Variants in CALCRL observed in about 807,000 individuals in gnomAD.
CALCRL encodes the protein calcitonin gene-related peptide type 1 receptor.
A neutral mutation model predicts 60.4 loss-of-function variants in CALCRL; 27 were observed. The observed-to-expected ratio is 0.45, with a 90% CI of 0.33 to 0.62. The LOEUF (loss-of-function observed/expected upper bound fraction) is 0.62. Ranked by LOEUF, CALCRL falls within the 20% of genes least tolerant of loss-of-function variation. The probability of loss-of-function intolerance (pLI) is 0.03; values close to 1 mark genes in which losing one functional copy is unlikely to be tolerated. For missense variants in CALCRL, 424 were observed against 540.7 expected (o/e 0.78, Z 2.14); for synonymous variants, 190 against 182.6 (o/e 1.04, Z -0.33).
intron 8 of CALCRL, among the ~76,000 whole-genome samples, chr2:187,378,105 G>T (rs1428628413): frequency 1.3e-5 from 2 of 150,844 alleles, no homozygotes; most frequent in African/African-American, 4.9e-5. Context: ...GGAGGAGGAG[G>T]AGGAAAAAGA....
intron 8 of CALCRL, among the ~76,000 whole-genome samples, chr2:187,375,733 C>A (rs1032944422): frequency 6.6e-6 from 1 of 152,082 alleles, no homozygotes; most frequent in Non-Finnish European, 1.5e-5. Context: ...CAGGTTACAT[C>A]TTTAAAGTTA....
At chr2:187,406,331 A>G (rs922350197) in intron 1 of CALCRL, among the ~76,000 whole-genome samples, 1 of 152,064 alleles carries the variant, frequency 6.6e-6, no homozygotes, top group African/African-American at 2.4e-5. Flanking sequence ...TTTTATAAAA[A>G]TTATTTGTAA....
At chr2:187,398,403 T>G (rs1378457821) in intron 1 of CALCRL, among the ~76,000 whole-genome samples, 1 of 151,680 alleles carries the variant, frequency 6.6e-6, no homozygotes, top group African/African-American at 2.4e-5. Context: ...TATGATATTC[T>G]TGTTACATTG....
At chr2:187,379,116 G>A (rs1306002874) in intron 7 of CALCRL, 85 bp from the exon 8 acceptor site, 4 of 694,436 alleles carry the variant, frequency 5.8e-6, no homozygotes, top group Non-Finnish European at 7.7e-6. Context: ...TTCAAATTCA[G>A]TTGAATAAAC....
At chr2:187,371,240 T>TA (rs1174750638) in intron 8 of CALCRL, among the ~76,000 whole-genome samples, 2,902 of 136,902 alleles carry the variant, frequency 0.021, 82 homozygotes, top group African/African-American at 0.068. Flanking sequence ...AGACTCCGTC[T>TA]AAAAAAAAAA....
intron 1 of CALCRL, chr2:187,442,151 TACAC>T (rs1298031952): frequency 2.1e-5 from 3 of 145,338 alleles, no homozygotes; most frequent in African/African-American, 5.0e-5. Flanking sequence ...CACACATACA[TACAC>T]ACACATATAT....
chr2:187,427,112 G>A (rs1236550325), intron 1 of CALCRL, among the ~76,000 whole-genome samples: 1 of 152,098 alleles, frequency 6.6e-6, no homozygotes, highest in Non-Finnish European at 1.5e-5. Context: ...TTTGTGTGGG[G>A]AGGGAGACGT....
chr2:187,403,875 T>A (rs1396213999), intron 1 of CALCRL, among the ~76,000 whole-genome samples: 2 of 151,906 alleles, frequency 1.3e-5, no homozygotes, highest in African/African-American at 4.8e-5. Flanking sequence ...AAAATAGATC[T>A]TCCAGTGTAA....
intron 1 of CALCRL, among the ~76,000 whole-genome samples, chr2:187,447,355 A>G (rs984197727): frequency 2.0e-5 from 3 of 151,310 alleles, no homozygotes; most frequent in Non-Finnish European, 4.4e-5. Flanking sequence ...AAAAATCTAC[A>G]TTTCCTAAAC....
chr2:187,430,636 G>A (rs946626835), intron 1 of CALCRL, among the ~76,000 whole-genome samples: 9 of 151,938 alleles, frequency 5.9e-5, no homozygotes, highest in Non-Finnish European at 1.0e-4. Flanking sequence ...TTAATGCCCA[G>A]GATTGAAAAT....
chr2:187,403,964 C>G (rs1055605000), intron 1 of CALCRL, among the ~76,000 whole-genome samples: 4 of 151,882 alleles, frequency 2.6e-5, no homozygotes, highest in Non-Finnish European at 5.9e-5. Context: ...ACAACACGTT[C>G]CCTGTGAAAA....
At chr2:187,416,528 A>T (rs1161950964) in intron 1 of CALCRL, among the ~76,000 whole-genome samples, 1 of 152,138 alleles carries the variant, frequency 6.6e-6, no homozygotes, top group African/African-American at 2.4e-5. Flanking sequence ...AAATATTGGG[A>T]AATGTAAAGA....
rs1383200734 is a variant in CALCRL, at chr2:187,366,577, G to A, written c.501-3075C>T. On this transcript the variant is annotated intron_variant, in intron 8 of 14. Coordinates refer to ENST00000392370, the MANE Select transcript of CALCRL (RefSeq NM_005795.6). ...TAAAAAGTGAAATAAAATAAATAACGTGATAGAAGAGCTGAAAGATAGGAG... is the reference window on the plus strand; with the variant it reads ...TAAAAAGTGAAATAAAATAAATAACATGATAGAAGAGCTGAAAGATAGGAG... 2.0e-5 allele frequency among the ~76,000 whole-genome samples: 3 copies of A among 151,240 alleles called. No homozygotes were observed. The South Asian group carries it at 6.2e-4, about 31-fold the overall frequency.
At chr2:187,358,230 C>T (rs180834039) in intron 12 of CALCRL, among the ~76,000 whole-genome samples, 12 of 150,506 alleles carry the variant, frequency 8.0e-5, no homozygotes, top group Non-Finnish European at 1.5e-4. Flanking sequence ...GTAGTGTATA[C>T]GTATAGTCTT....
intron 1 of CALCRL, among the ~76,000 whole-genome samples, chr2:187,433,540 T>G (rs536558707): frequency 5.1e-4 from 78 of 152,148 alleles, no homozygotes; most frequent in African/African-American, 1.8e-3. Context: ...AAAGAAAACA[T>G]TATTAAGCCC....
chr2:187,356,223 G>T (rs1259904718), intron 12 of CALCRL, among the ~76,000 whole-genome samples: 1 of 152,120 alleles, frequency 6.6e-6, no homozygotes, highest in African/African-American at 2.4e-5. Context: ...AAAGAACAAA[G>T]CTGGAGGCGT....
At chr2:187,398,663 T>A (rs1422621117) in intron 1 of CALCRL, among the ~76,000 whole-genome samples, 1 of 151,642 alleles carries the variant, frequency 6.6e-6, no homozygotes, top group Non-Finnish European at 1.5e-5. Context: ...TAAATTTAGC[T>A]TGGTCATGGA....
chr2:187,416,989 A>G (rs1689642772), intron 1 of CALCRL, among the ~76,000 whole-genome samples: 1 of 152,096 alleles, frequency 6.6e-6, no homozygotes, highest in South Asian at 2.1e-4. Flanking sequence ...AACCCTGACT[A>G]TATATTCTTT....
chr2:187,377,470 G>A (rs1687806271), intron 8 of CALCRL, among the ~76,000 whole-genome samples: 1 of 152,104 alleles, frequency 6.6e-6, no homozygotes, highest in Non-Finnish European at 1.5e-5. Flanking sequence ...GGTCACTCTG[G>A]AAGAAAACCA....
Sources: allele counts gnomAD v4.1 joint callset (sites outside exome capture counted in the v4.1 genomes callset), GRCh38; gene constraint gnomAD v4.1.1; transcripts MANE v1.5; gene names NCBI Gene and HGNC (gene_info 2026-07-23, HGNC 2026-07-21).